The following PXDNL variants were observed in gnomAD, a reference collection of about 807,000 sequenced individuals.
PXDNL encodes peroxidasin like.
In PXDNL, 145 loss-of-function variants were observed where a neutral mutation model predicts 150.8. The observed-to-expected ratio is 0.96, with a 90% CI of 0.84 to 1.10. PXDNL has a LOEUF of 1.10. Among genes scored for constraint, PXDNL ranks in the 50% least tolerant of loss-of-function variants. The probability of loss-of-function intolerance (pLI) is 0.00; values close to 1 mark genes in which losing one functional copy is unlikely to be tolerated. For synonymous variants in PXDNL, 757 were observed against 725.7 expected, an observed-to-expected ratio of 1.04 and a Z score of -0.69; for missense variants, 2,087 against 1,873.9, an observed-to-expected ratio of 1.11 and a Z score of -2.10.
intron 12 of PXDNL, among the ~76,000 whole-genome samples, chr8:51,433,134 G>A (rs1355374923): frequency 1.3e-5 from 2 of 151,798 alleles, no homozygotes; most frequent in Non-Finnish European, 2.9e-5. Context: ...ACTTGAATCT[G>A]AGAGGCAGAG....
At chr8:51,614,989 A>G (rs1254344309) in intron 2 of PXDNL, among the ~76,000 whole-genome samples, 1 of 152,218 alleles carries the variant, frequency 6.6e-6, no homozygotes, top group Admixed American at 6.5e-5. Context: ...TGTGCTTCGA[A>G]TTCCATTTTA....
chr8:51,454,475 G>A (rs1453088833), intron 9 of PXDNL, among the ~76,000 whole-genome samples: 3 of 152,072 alleles, frequency 2.0e-5, no homozygotes, highest in Non-Finnish European at 4.4e-5. Context: ...TCAGCTAAAC[G>A]TATTATAAAT....
At chr8:51,671,574 T>C (rs1390224547) in intron 1 of PXDNL, among the ~76,000 whole-genome samples, 1 of 151,992 alleles carries the variant, frequency 6.6e-6, no homozygotes, top group African/African-American at 2.4e-5. Context: ...ATTTTCAGAG[T>C]TTACTTACAG....
chr8:51,350,295 A>G (rs1049072871), intron 19 of PXDNL, among the ~76,000 whole-genome samples: 3 of 149,850 alleles, frequency 2.0e-5, no homozygotes, highest in Non-Finnish European at 3.0e-5. Flanking sequence ...TATGCCATTT[A>G]GATAACCTAG....
chr8:51,547,105 C>T (rs1812377485), intron 4 of PXDNL, among the ~76,000 whole-genome samples: 1 of 152,132 alleles, frequency 6.6e-6, no homozygotes, highest in Non-Finnish European at 1.5e-5. Context: ...TTTGGGAGCT[C>T]TATGGCCCTG....
chr8:51,801,668 T>C (rs947063172), intron 1 of PXDNL, among the ~76,000 whole-genome samples: 1 of 152,092 alleles, frequency 6.6e-6, no homozygotes, highest in African/African-American at 2.4e-5. Flanking sequence ...TGGTTCCCGA[T>C]AAAGAACAGT....
At chr8:51,325,229 G>A (rs1805447128) in intron 21 of PXDNL, among the ~76,000 whole-genome samples, 1 of 152,198 alleles carries the variant, frequency 6.6e-6, no homozygotes, top group African/African-American at 2.4e-5. Flanking sequence ...TTGATTGCCT[G>A]TTTTCATTCC....
intron 4 of PXDNL, among the ~76,000 whole-genome samples, chr8:51,554,148 G>A (rs1251928267): frequency 6.6e-6 from 1 of 152,162 alleles, no homozygotes; most frequent in East Asian, 1.9e-4. Context: ...TAAATCTGCT[G>A]CCAAGGCTTA....
At chr8:51,479,570 T>A (rs937380671) in intron 6 of PXDNL, among the ~76,000 whole-genome samples, 4 of 152,204 alleles carry the variant, frequency 2.6e-5, no homozygotes, top group African/African-American at 9.6e-5. Flanking sequence ...AGAGTCATCA[T>A]GGATGGAACT....
In PXDNL at chr8:51,426,741, G is replaced by A. The variant is rs909357912; in HGVS notation, c.1543C>T (p.Gln515Ter). Residue 515 changes from glutamine (Q) to a stop codon, truncating the protein, a stop_gained, in exon 13 of 23, where the codon CAA becomes TAA. Transcript: ENST00000356297. LOFTEE classifies it high-confidence loss of function. ...TCGACACTTGTATCCTGAGGAAGTT[G>A]AGTAAACACTGCAAGAGCTGTGGAA... ...VKPKALAVFTQLPQDTSVEVG... is the reference protein window; with the variant it reads ...VKPKALAVFT 2 of 1,595,960 alleles carry A rather than the reference G, an allele frequency of 1.3e-6. No homozygotes were observed. The highest frequency in any genetic ancestry group is 1.7e-5 in the Admixed American group (1 of 57,816).
chr8:51,745,594 G>A (rs74535365), intron 1 of PXDNL, among the ~76,000 whole-genome samples: 25 of 152,228 alleles, frequency 1.6e-4, no homozygotes, highest in African/African-American at 4.6e-4. Flanking sequence ...CCTGTTCCCA[G>A]AGTCATGTCT....
At chr8:51,629,071 A>G (rs1458957778) in intron 2 of PXDNL, among the ~76,000 whole-genome samples, 1 of 152,310 alleles carries the variant, frequency 6.6e-6, no homozygotes, top group Non-Finnish European at 1.5e-5. Flanking sequence ...CTAACTAGAC[A>G]AAGACTTTCA....
chr8:51,731,237 A>G (rs1271962971), intron 1 of PXDNL, among the ~76,000 whole-genome samples: 1 of 152,240 alleles, frequency 6.6e-6, no homozygotes, highest in Non-Finnish European at 1.5e-5. Context: ...TTGAATAAAT[A>G]CACCCATTCC....
chr8:51,495,740 A>T (rs1048037969), intron 5 of PXDNL, among the ~76,000 whole-genome samples: 2 of 152,210 alleles, frequency 1.3e-5, no homozygotes, highest in African/African-American at 4.8e-5. Flanking sequence ...GAAGAAGTTG[A>T]ATCTCTGAAT....
chr8:51,453,937 GAA>G (rs1391307734), intron 9 of PXDNL, among the ~76,000 whole-genome samples, 152 bp from the exon 10 acceptor site: 8 of 151,410 alleles, frequency 5.3e-5, no homozygotes, highest in Admixed American at 3.3e-4. Flanking sequence ...TTAATTCCCA[GAA>G]AATTAAATCT....
chr8:51,549,779 A>T (rs113952781), intron 4 of PXDNL, among the ~76,000 whole-genome samples: 3,823 of 152,254 alleles, frequency 0.025, 147 homozygotes, highest in African/African-American at 0.088. Context: ...GGAACTAGAG[A>T]AACAAAAACA....
At chr8:51,613,131 C>T (rs1460923498) in intron 2 of PXDNL, among the ~76,000 whole-genome samples, 1 of 151,832 alleles carries the variant, frequency 6.6e-6, no homozygotes, top group Non-Finnish European at 1.5e-5. Context: ...GACTATGGGG[C>T]CATAAGTGAA....
chr8:51,600,775 A>G (rs898468914), intron 2 of PXDNL, among the ~76,000 whole-genome samples: 10 of 136,386 alleles, frequency 7.3e-5, no homozygotes, highest in Non-Finnish European at 1.5e-4. Flanking sequence ...TACATCTTAT[A>G]TAAATTATAT....
chr8:51,503,560 CT>C (rs1366575341), intron 4 of PXDNL, among the ~76,000 whole-genome samples: 1 of 152,120 alleles, frequency 6.6e-6, no homozygotes, highest in Non-Finnish European at 1.5e-5. Flanking sequence ...CTATCCTCTC[CT>C]ACATCTTATT....
Sources: allele counts gnomAD v4.1 joint callset (sites outside exome capture counted in the v4.1 genomes callset), GRCh38; gene constraint gnomAD v4.1.1; transcripts MANE v1.5; gene names NCBI Gene and HGNC (gene_info 2026-07-23, HGNC 2026-07-21).